The following SHROOM3 variants were observed in gnomAD, a reference collection of about 807,000 sequenced individuals.
SHROOM3 encodes the protein shroom family member 3.
SHROOM3 carries 47 observed loss-of-function variants against 138.6 expected under a neutral mutation model. That is an observed-to-expected ratio of 0.34 (90% CI 0.27 to 0.43). The LOEUF (loss-of-function observed/expected upper bound fraction) is 0.43, where lower values mean the gene tolerates loss of function less well. Ranked by LOEUF, SHROOM3 falls within the 20% of genes least tolerant of loss-of-function variation. The probability of loss-of-function intolerance (pLI) is 1.00; values close to 1 mark genes in which losing one functional copy is unlikely to be tolerated. For synonymous variants in SHROOM3, 1,062 were observed against 1,063.3 expected (o/e 1.00, Z 0.02); for missense variants, 2,491 against 2,596.5 (o/e 0.96, Z 0.88).
chr4:76,779,203 G>T lies in SHROOM3; in HGVS notation c.*26G>T. On this transcript the variant is annotated 3_prime_UTR_variant, in exon 11 of 11. Transcript: ENST00000296043. ...CCTCTTCTAAAATACCCAACCAAAA[G>T]ATCACTGTTTCTCTCAACACTATTT... The T allele has an allele frequency of 6.3e-7, 1 of 1,576,862 alleles. No homozygotes were observed. Among genetic ancestry groups the T allele is most frequent in the Middle Eastern group, 1.7e-4 (1 of 5,866 alleles).
chr4:76,701,149 T>C (rs1719892251), intron 2 of SHROOM3, among the ~76,000 whole-genome samples: 1 of 152,170 alleles, frequency 6.6e-6, no homozygotes, highest in African/African-American at 2.4e-5. Flanking sequence ...AGAAAGTTCT[T>C]GTAGGGGCAG....
intron 1 of SHROOM3, among the ~76,000 whole-genome samples, chr4:76,479,503 T>G (rs1731560595): frequency 6.6e-6 from 1 of 152,056 alleles, no homozygotes; most frequent in Non-Finnish European, 1.5e-5. Flanking sequence ...AACCTACATT[T>G]GATTGGTGTA....
At chr4:76,774,720 G>GT (rs71212453) in intron 10 of SHROOM3, among the ~76,000 whole-genome samples, 3,967 of 112,144 alleles carry the variant, frequency 0.035, 182 homozygotes, top group African/African-American at 0.11. Flanking sequence ...TTTTTTTTTT[G>GT]TTTTTTTTTT....
At chr4:76,447,832 G>T (rs1166360809) in intron 1 of SHROOM3, among the ~76,000 whole-genome samples, 2 of 152,054 alleles carry the variant, frequency 1.3e-5, no homozygotes, top group African/African-American at 4.8e-5. Context: ...GCACTCCCTT[G>T]AAAGCATTAC....
At chr4:76,656,904 G>T (rs1329515077) in intron 2 of SHROOM3, among the ~76,000 whole-genome samples, 3 of 152,192 alleles carry the variant, frequency 2.0e-5, no homozygotes, top group African/African-American at 7.2e-5. Flanking sequence ...AGGCACAGTT[G>T]CTCATGCCTG....
intron 1 of SHROOM3, among the ~76,000 whole-genome samples, chr4:76,527,129 A>G (rs181760057): frequency 6.6e-6 from 1 of 152,306 alleles, no homozygotes; most frequent in Admixed American, 6.5e-5. Flanking sequence ...CAGGGAAGGA[A>G]AAAAGATCCA....
intron 2 of SHROOM3, 176 bp from the exon 3 acceptor site, chr4:76,709,980 C>A: frequency 1.5e-6 from 1 of 676,340 alleles, no homozygotes; most frequent in South Asian, 1.8e-5. Context: ...AGTGGATTCG[C>A]CTTCGTAGGG....
At chr4:76,483,289 TAAAC>T (rs1731656108) in intron 1 of SHROOM3, among the ~76,000 whole-genome samples, 1 of 151,994 alleles carries the variant, frequency 6.6e-6, no homozygotes, top group Admixed American at 6.6e-5. Flanking sequence ...ACAAAGAACT[TAAAC>T]AAATTTATAA....
At position 76,741,045 on chromosome 4, in the gene SHROOM3, C is replaced by A. The variant is rs747506693; in HGVS notation, c.2872C>A (p.Arg958=). 14 of 1,491,258 alleles carry A rather than the reference C, an allele frequency of 9.4e-6. No homozygotes were observed. The highest frequency in any genetic ancestry group is 3.5e-4 in the Middle Eastern group (2 of 5,710). The allele number at this position is 1,491,258 out of a possible 1,614,324, so 92.4% of individuals were successfully genotyped here. A position where few individuals can be genotyped will look rare whatever the true frequency, so the allele number is the denominator to read the frequency against. The change falls in exon 5 of 11, where the codon CGG becomes AGG. Residue 958 remains arginine, a synonymous_variant. Transcript: ENST00000296043. This position sits in a 1 kb window ranked among gnomAD's most constrained non-coding sequence, Gnocchi z 6.2. ...LGAPVASRSW[R]PRPSSAHVGL... is the part of the protein sequence containing the mutation. Reference sequence around the variant, plus strand: ...GGCGCCCGTGGCGTCGAGGTCCTGGCGGCCACGGCCTTCCTCGGCCCACGT... The same window carrying A: ...GGCGCCCGTGGCGTCGAGGTCCTGGAGGCCACGGCCTTCCTCGGCCCACGT...
rs1288944824 is a variant in SHROOM3 at position 76,741,768 on chromosome 4, A to C, written c.3595A>C (p.Thr1199Pro). 6.4e-7 allele frequency: 1 copy of C among 1,571,080 alleles called. No individual in the cohort carries two copies. Among genetic ancestry groups the C allele is most frequent in the South Asian group, 1.2e-5 (1 of 85,758 alleles). Residue 1199 changes from threonine to proline, a missense_variant, in exon 5 of 11, where the codon ACC becomes CCC. Thr to Pro is a conservative substitution (Grantham distance 38). Transcript: ENST00000296043. The surrounding 1 kb of genome is among the most constrained non-coding windows in gnomAD (Gnocchi z 6.2). ...CGGAGCAAACGGTGGAACAAGGGGC[A>C]CCCAGAGAGGGGATGAGACCCCCAG... ...LSGANGGTRGTQRGDETPREP... is the reference protein window; with the variant it reads ...LSGANGGTRGPQRGDETPREP...
At chr4:76,534,727 G>C (rs529375824) in intron 1 of SHROOM3, among the ~76,000 whole-genome samples, 1 of 151,890 alleles carries the variant, frequency 6.6e-6, no homozygotes, top group South Asian at 2.1e-4. Flanking sequence ...ATCTCTGATG[G>C]GTACTCTACC....
intron 2 of SHROOM3, among the ~76,000 whole-genome samples, chr4:76,596,854 C>T (rs1159757500): frequency 2.0e-5 from 3 of 152,202 alleles, no homozygotes; most frequent in Admixed American, 6.5e-5. Flanking sequence ...GGCCCTGGCT[C>T]ACCCCGGAGC....
intron 2 of SHROOM3, among the ~76,000 whole-genome samples, chr4:76,680,437 C>A (rs539979429): frequency 1.3e-5 from 2 of 152,332 alleles, no homozygotes; most frequent in East Asian, 3.9e-4. Flanking sequence ...CTGTACCTGG[C>A]CCGACCTATA....
intron 1 of SHROOM3, among the ~76,000 whole-genome samples, chr4:76,437,775 G>T (rs1730590595): frequency 6.6e-6 from 1 of 152,190 alleles, no homozygotes; most frequent in Non-Finnish European, 1.5e-5. Flanking sequence ...AGAGGGCATG[G>T]TTGCTGAATA....
chr4:76,497,565 TC>T (rs1314960532), intron 1 of SHROOM3, among the ~76,000 whole-genome samples: 1 of 152,030 alleles, frequency 6.6e-6, no homozygotes, highest in Non-Finnish European at 1.5e-5. Flanking sequence ...TTTTTTAAAA[TC>T]AGAAAAGAGG....
intron 2 of SHROOM3, among the ~76,000 whole-genome samples, chr4:76,675,201 G>A (rs926908386): frequency 2.6e-5 from 4 of 152,084 alleles, no homozygotes; most frequent in African/African-American, 7.2e-5. Context: ...TAGGAGGGAA[G>A]CTCAAAGTCC....
intron 1 of SHROOM3, among the ~76,000 whole-genome samples, chr4:76,466,147 G>A (rs1233887808): frequency 6.6e-6 from 1 of 152,102 alleles, no homozygotes; most frequent in African/African-American, 2.4e-5. Context: ...TTCTCAACAG[G>A]CTTCTTGAAA....
At chr4:76,547,347 T>C (rs1325636727) in intron 1 of SHROOM3, among the ~76,000 whole-genome samples, 2 of 152,256 alleles carry the variant, frequency 1.3e-5, no homozygotes, top group African/African-American at 4.8e-5. Context: ...TGCCTTCTTC[T>C]GAGCCTTGGT....
Position 76,754,853 on chromosome 4 carries a change from A to G in SHROOM3, c.4370A>G (p.Tyr1457Cys), listed in dbSNP as rs1299185170. ...CCTGATTTTGCAAACCTGAAGCACT[A>G]TCAAAAACAGCAGAGTCTTCCAAGT... ...SAPDFANLKH[Y>C]QKQQSLPSLC... The change falls in exon 7 of 11, where the codon TAT (tyrosine) becomes TGT (cysteine). Residue 1457 changes from tyrosine to cysteine, a missense_variant. Tyr to Cys is a radical substitution (Grantham distance 194). Around this residue, in one of 4 missense-constraint regions of SHROOM3, gnomAD observed 1,733 missense variants for 1,661.6 expected, o/e 1.04. Coordinates refer to ENST00000296043, the MANE Select transcript of SHROOM3 (RefSeq NM_020859.4). 1.2e-6 allele frequency: 2 copies of G among 1,614,110 alleles called. No individual in the cohort carries two copies. Among genetic ancestry groups the G allele is most frequent in the Non-Finnish European group, 8.5e-7 (1 of 1,180,000 alleles).
Sources: gnomAD v4.1 joint callset for allele counts (sites outside exome capture counted in the v4.1 genomes callset) on GRCh38, gnomAD v4.1.1 for gene constraint, gnomAD v4.1.1 regional missense constraint, Gnocchi (gnomAD v3.1) non-coding constraint, MANE v1.5 for transcripts, NCBI Gene and HGNC (gene_info 2026-07-23, HGNC 2026-07-21) for gene names.